Variants in PGM5 observed in about 807,000 individuals in gnomAD.
PGM5 encodes the protein phosphoglucomutase-like protein 5.
In PGM5, 23 loss-of-function variants were observed where a neutral mutation model predicts 59.2. That is an observed-to-expected ratio of 0.39 (90% CI 0.28 to 0.55). The LOEUF is 0.55. PGM5 is among the 20% of genes least tolerant of loss of function. The pLI is 0.66. For missense variants in PGM5, 574 were observed against 748.3 expected, an observed-to-expected ratio of 0.77 and a Z score of 2.72; for synonymous variants, 214 against 286.0, an observed-to-expected ratio of 0.75 and a Z score of 2.54.
intron 10 of PGM5, among the ~76,000 whole-genome samples, chr9:68,516,758 G>A (rs540131623): frequency 1.3e-5 from 2 of 152,322 alleles, no homozygotes; most frequent in African/African-American, 2.4e-5. Context: ...GCTTTGTGAC[G>A]TCCACCACAC....
chr9:68,373,989 G>A (rs1224179021), intron 1 of PGM5, among the ~76,000 whole-genome samples: 3 of 152,256 alleles, frequency 2.0e-5, no homozygotes, highest in Admixed American at 2.0e-4. Flanking sequence ...TCTCATACTA[G>A]TTTATCACCC....
intron 1 of PGM5, among the ~76,000 whole-genome samples, chr9:68,369,253 T>C (rs1834739509): frequency 6.6e-6 from 1 of 152,100 alleles, no homozygotes; most frequent in Non-Finnish European, 1.5e-5. Flanking sequence ...TCGAGATACA[T>C]AGGGATTTGG....
chr9:68,524,955 C>T (rs1281287190), intron 10 of PGM5, among the ~76,000 whole-genome samples: 1 of 152,216 alleles, frequency 6.6e-6, no homozygotes. Context: ...CACCAATCCA[C>T]ATTCCTCTCT....
At chr9:68,406,888 G>A (rs1554681182) in intron 6 of PGM5, among the ~76,000 whole-genome samples, 2 of 150,870 alleles carry the variant, frequency 1.3e-5, no homozygotes, top group Non-Finnish European at 3.0e-5. Context: ...ATGTTGGCCA[G>A]TGGCTGTGCT....
chr9:68,484,484 G>A (rs918982460), intron 9 of PGM5, among the ~76,000 whole-genome samples: 1 of 150,442 alleles, frequency 6.6e-6, no homozygotes, highest in African/African-American at 2.5e-5. Context: ...AGTCTGCAGT[G>A]ACTCATGATC....
At chr9:68,407,786 A>G (rs1486159019) in intron 6 of PGM5, among the ~76,000 whole-genome samples, 12 of 152,350 alleles carry the variant, frequency 7.9e-5, no homozygotes, top group Admixed American at 5.9e-4. Flanking sequence ...TTAGTAGTTC[A>G]GCCAAAAGCA....
chr9:68,520,704 T>C (rs1824888731), intron 10 of PGM5, among the ~76,000 whole-genome samples: 1 of 152,178 alleles, frequency 6.6e-6, no homozygotes, highest in Non-Finnish European at 1.5e-5. Flanking sequence ...AAAAATTCTG[T>C]GAATAGGAAT....
intron 9 of PGM5, chr9:68,498,909 C>A: frequency 3.4e-6 from 1 of 294,156 alleles, no homozygotes; most frequent in East Asian, 8.2e-5. Context: ...TATTGAATAT[C>A]ATTTCATCCC....
intron 6 of PGM5, among the ~76,000 whole-genome samples, chr9:68,439,692 C>CATAT (rs369854214): frequency 7.5e-5 from 11 of 146,238 alleles, no homozygotes; most frequent in African/African-American, 1.3e-4. Context: ...CACATGCACA[C>CATAT]ATATATATAT....
At chr9:68,368,112 G>T (rs1269469750) in intron 1 of PGM5, among the ~76,000 whole-genome samples, 3 of 151,672 alleles carry the variant, frequency 2.0e-5, no homozygotes, top group African/African-American at 7.3e-5. Context: ...TGTGCATATA[G>T]CCCCCCCATA....
rs1554677821 is a variant in PGM5 at position 68,376,904 on chromosome 9, CTT to C, written c.262-1293_262-1292del. ...TTTCTTTTTTTCTTTCTTTCTCTCT[CTT>C]TCTTTCTTTCTTTTTCTTTCTTCTT... On this transcript the variant is annotated intron_variant, in intron 1 of 10. Coordinates refer to ENST00000396396, the MANE Select transcript of PGM5 (RefSeq NM_021965.4). Among the ~76,000 whole-genome samples the C allele has an allele frequency of 3.8e-4, 21 of 55,680 alleles. 1 individual carries two copies. Among genetic ancestry groups the C allele is most frequent in the South Asian group, 7.5e-4 (2 of 2,680 alleles). 36.5% of individuals were successfully genotyped at this position (55,680 alleles called of 152,430 possible). A position where few individuals can be genotyped will look rare whatever the true frequency, so the allele number is the denominator to read the frequency against.
chr9:68,503,347 T>C (rs1220886547), intron 10 of PGM5, among the ~76,000 whole-genome samples: 1 of 152,178 alleles, frequency 6.6e-6, no homozygotes, highest in Non-Finnish European at 1.5e-5. Flanking sequence ...TAACCTATGG[T>C]TGGGGAAGAT....
At chr9:68,472,177 G>T (rs781921008) in intron 7 of PGM5, among the ~76,000 whole-genome samples, 1 of 152,126 alleles carries the variant, frequency 6.6e-6, no homozygotes, top group Non-Finnish European at 1.5e-5. Flanking sequence ...ATGGTATAGA[G>T]ACCCTAATGA....
chr9:68,493,667 G>A (rs949400512), intron 9 of PGM5, among the ~76,000 whole-genome samples: 4 of 152,158 alleles, frequency 2.6e-5, no homozygotes, highest in Admixed American at 6.5e-5. Context: ...TGCTTTTTAG[G>A]AAACTAAGGC....
At chr9:68,420,395 A>G (rs1000356729) in intron 6 of PGM5, among the ~76,000 whole-genome samples, 1 of 152,186 alleles carries the variant, frequency 6.6e-6, no homozygotes, top group Admixed American at 6.5e-5. Flanking sequence ...CATATTATCT[A>G]TGAGGACTGT....
intron 7 of PGM5, among the ~76,000 whole-genome samples, chr9:68,473,854 A>G (rs1421834922): frequency 1.3e-5 from 2 of 152,150 alleles, no homozygotes; most frequent in Non-Finnish European, 2.9e-5. Context: ...GCAAGGAGAA[A>G]TCTTGATACT....
intron 1 of PGM5, among the ~76,000 whole-genome samples, chr9:68,376,833 C>CTTTCTTTCTCTTTCTT (rs1461144548): frequency 1.3e-5 from 1 of 77,914 alleles, no homozygotes; most frequent in Non-Finnish European, 2.6e-5. Context: ...TTCTTTCTTT[C>CTTTCTTTCTCTTTCTT]TCTTTCTTTC....
In PGM5 at chr9:68,360,080, A is replaced by G. The variant is rs547107163; in HGVS notation, c.261+2692A>G. 3.0e-3 allele frequency among the ~76,000 whole-genome samples: 457 copies of G among 152,208 alleles called. 4 individuals carry two copies. The highest frequency in any genetic ancestry group is 0.01 in the African/African-American group (434 of 41,546). The stretch of plus-strand genomic sequence containing the variant: ...GTCTAGTCTCAAACTCCTGATCTCA[A>G]GAGATCTGCCTGCCTTGGCCTCCTA... On this transcript the variant is annotated intron_variant, in intron 1 of 10. Transcript: ENST00000396396.
At chr9:68,468,456 CT>C (rs1333693559) in intron 7 of PGM5, among the ~76,000 whole-genome samples, 2 of 152,146 alleles carry the variant, frequency 1.3e-5, no homozygotes, top group South Asian at 2.1e-4. Flanking sequence ...ATATTATAGA[CT>C]TTTAGTTTCC....
Sources: gnomAD v4.1 joint callset for allele counts (sites outside exome capture counted in the v4.1 genomes callset) on GRCh38, gnomAD v4.1.1 for gene constraint, MANE v1.5 for transcripts, NCBI Gene and HGNC (gene_info 2026-07-23, HGNC 2026-07-21) for gene names.